SRPK2: variants seen among roughly 807,000 people sequenced by gnomAD.
The protein encoded by SRPK2 is SFRS protein kinase 2.
A neutral mutation model predicts 90.8 loss-of-function variants in SRPK2; 21 were observed. The ratio of observed to expected loss-of-function variants is 0.23; its 90% confidence interval spans 0.16 to 0.33. The LOEUF (loss-of-function observed/expected upper bound fraction) is 0.33. Among genes scored for constraint, SRPK2 ranks in the 10% least tolerant of loss-of-function variants. SRPK2 has a pLI of 1.00. For synonymous variants in SRPK2, 288 were observed against 311.1 expected (o/e 0.93, Z 0.78); for missense variants, 620 against 869.0 (o/e 0.71, Z 3.60).
intron 2 of SRPK2, among the ~76,000 whole-genome samples, chr7:105,228,794 G>A (rs990706623): frequency 1.5e-4 from 23 of 152,224 alleles, no homozygotes; most frequent in Non-Finnish European, 3.2e-4. Context: ...CCTGGGCGCT[G>A]CGAGAGCTTG....
chr7:105,286,725 T>C (rs999599368), intron 2 of SRPK2, among the ~76,000 whole-genome samples: 2 of 152,246 alleles, frequency 1.3e-5, no homozygotes, highest in Non-Finnish European at 1.5e-5. Context: ...AAATGCATAA[T>C]TCATTTTACA....
intron 6 of SRPK2, among the ~76,000 whole-genome samples, chr7:105,163,047 T>C (rs1476744485): frequency 6.6e-6 from 1 of 152,162 alleles, no homozygotes. Context: ...AAGGACGAGG[T>C]AACATTAGCA....
At chr7:105,213,700 A>G (rs1026124873) in intron 2 of SRPK2, among the ~76,000 whole-genome samples, 12 of 152,222 alleles carry the variant, frequency 7.9e-5, no homozygotes, top group Non-Finnish European at 1.6e-4. Flanking sequence ...ACGCTCTTCT[A>G]TCTAAAAGCT....
chr7:105,203,551 T>C (rs1378416360), intron 3 of SRPK2, 77 bp downstream of exon 3: 4 of 1,382,944 alleles, frequency 2.9e-6, no homozygotes, highest in Non-Finnish European at 3.8e-6. Context: ...CCTCCTCCCC[T>C]TGTCCATTCC....
intron 2 of SRPK2, among the ~76,000 whole-genome samples, chr7:105,287,349 G>A (rs563303482): frequency 6.7e-6 from 1 of 149,980 alleles, no homozygotes; most frequent in East Asian, 2.0e-4. Flanking sequence ...CTCTCACAAA[G>A]TAGCTTGTAG....
chr7:105,237,288 A>G (rs936980465), intron 2 of SRPK2, among the ~76,000 whole-genome samples: 2 of 152,242 alleles, frequency 1.3e-5, no homozygotes, highest in Admixed American at 6.5e-5. Context: ...ATTATTTGTC[A>G]TAACATCCTG....
chr7:105,163,015 T>A (rs1419161531), intron 6 of SRPK2, among the ~76,000 whole-genome samples: 2 of 152,202 alleles, frequency 1.3e-5, no homozygotes, highest in South Asian at 2.1e-4. Context: ...ACTCAGCAGT[T>A]AGCAGAAATT....
chr7:105,188,772 A>G (rs1225084370), intron 3 of SRPK2, among the ~76,000 whole-genome samples: 1 of 152,238 alleles, frequency 6.6e-6, no homozygotes, highest in Non-Finnish European at 1.5e-5. Context: ...GAAATAAAAG[A>G]GAAAAGATAT....
At chr7:105,212,675 T>A (rs1011848866) in intron 2 of SRPK2, among the ~76,000 whole-genome samples, 1 of 151,996 alleles carries the variant, frequency 6.6e-6, no homozygotes, top group Non-Finnish European at 1.5e-5. Flanking sequence ...AAAAAACATA[T>A]GAAATTAGAG....
At chr7:105,324,010 T>TGTGTGTGTGG (rs950960322) in intron 2 of SRPK2, among the ~76,000 whole-genome samples, 46 of 148,972 alleles carry the variant, frequency 3.1e-4, no homozygotes, top group East Asian at 1.4e-3. Flanking sequence ...TGTGTGTGTG[T>TGTGTGTGTGG]GTGTGTGGTG....
At chr7:105,181,826 G>C (rs1293114294) in intron 3 of SRPK2, among the ~76,000 whole-genome samples, 1 of 143,014 alleles carries the variant, frequency 7.0e-6, no homozygotes, top group Non-Finnish European at 1.5e-5. Flanking sequence ...GTGACACACA[G>C]TTTACCTACA....
At chr7:105,181,800 TA>T (rs1792848009) in intron 3 of SRPK2, among the ~76,000 whole-genome samples, 1 of 149,840 alleles carries the variant, frequency 6.7e-6, no homozygotes, top group South Asian at 2.1e-4. Flanking sequence ...TGAAATAATC[TA>T]TACACCAAAT....
chr7:105,358,039 C>T (rs930535160), intron 2 of SRPK2, among the ~76,000 whole-genome samples: 2 of 151,702 alleles, frequency 1.3e-5, no homozygotes, highest in African/African-American at 4.8e-5. Flanking sequence ...TCCTGACCAA[C>T]ATGGTAAAAC....
intron 2 of SRPK2, among the ~76,000 whole-genome samples, chr7:105,258,404 C>A (rs558590144): frequency 8.9e-6 from 1 of 112,280 alleles, no homozygotes; most frequent in Non-Finnish European, 1.7e-5. Context: ...GTAACAAGAG[C>A]GAAACTCGGT....
Position 105,143,164 on chromosome 7 carries a change from T to C in SRPK2, c.980A>G (p.Asp327Gly). The change falls in exon 10 of 16, where the codon GAT (aspartate) becomes GGT (glycine). Residue 327 changes from aspartate to glycine, a missense_variant. This residue lies in a region of SRPK2 where 243 missense variants were observed against 245.7 expected (regional missense o/e 0.99). Transcript: ENST00000393651. ...TTTCACCTCTGGGCAGTATTCGCCA[T>C]CCTGGTCATTGGAAGGTGCAGCTGA... The part of the protein sequence containing the change: ...ITSAAPSNDQ[D>G]GEYCPEVKLK... 2.5e-6 allele frequency: 4 copies of C among 1,614,240 alleles called. No individual in the cohort carries two copies. The highest frequency in any genetic ancestry group is 3.4e-6 in the Non-Finnish European group (4 of 1,180,036).
Position 105,241,228 on chromosome 7 carries a change from C to T in SRPK2, c.72-37443G>A, listed in dbSNP as rs140980774. On this transcript the variant is annotated intron_variant, in intron 2 of 15. Coordinates refer to ENST00000393651, the MANE Select transcript of SRPK2 (RefSeq NM_182692.3). Reference sequence around the variant, plus strand: ...TTAGATGTTCCTTCTTTAAAGCATCCGCCAGCTCCTAGACCACTTATTGAA... The same window carrying T: ...TTAGATGTTCCTTCTTTAAAGCATCTGCCAGCTCCTAGACCACTTATTGAA... Among the ~76,000 whole-genome samples, 228 of 152,190 alleles carry T rather than the reference C, an allele frequency of 1.5e-3. 1 individual carries two copies. Among genetic ancestry groups the T allele is most frequent in the African/African-American group, 4.8e-3 (201 of 41,526 alleles).
intron 3 of SRPK2, among the ~76,000 whole-genome samples, chr7:105,197,112 G>C (rs1795011817): frequency 6.6e-6 from 1 of 152,024 alleles, no homozygotes; most frequent in African/African-American, 2.4e-5. Flanking sequence ...GGGAGGGAAG[G>C]AGAAAGGGAG....
At chr7:105,325,649 G>C (rs780899900) in intron 2 of SRPK2, among the ~76,000 whole-genome samples, 2 of 151,458 alleles carry the variant, frequency 1.3e-5, no homozygotes, top group African/African-American at 4.9e-5. Context: ...CTCCAGCCCA[G>C]GAGTTCAAGA....
Position 105,290,777 on chromosome 7 carries a change from G to A in SRPK2, c.72-86992C>T, listed in dbSNP as rs926296085. On this transcript the variant is annotated intron_variant, in intron 2 of 15. Transcript: ENST00000393651. ...ATGAAGGCCGGGCGCGGTGGCTCAC[G>A]CCTGTAATCCCAGCACTTTGGGAGG... Among the ~76,000 whole-genome samples the A allele has an allele frequency of 1.1e-3, 163 of 152,038 alleles. 1 individual carries two copies. Among genetic ancestry groups the A allele is most frequent in the African/African-American group, 3.6e-3 (151 of 41,480 alleles).
Sources: allele counts gnomAD v4.1 joint callset (sites outside exome capture counted in the v4.1 genomes callset), GRCh38; gene constraint gnomAD v4.1.1; regional missense constraint gnomAD v4.1.1; transcripts MANE v1.5; gene names NCBI Gene and HGNC (gene_info 2026-07-23, HGNC 2026-07-21).